The following VAPB variants were observed in gnomAD, a reference collection of about 807,000 sequenced individuals.
The protein encoded by VAPB is vesicle-associated membrane protein-associated protein B/C.
VAPB carries 7 observed loss-of-function variants against 25.6 expected under a neutral mutation model. The ratio of observed to expected loss-of-function variants is 0.27; its 90% CI spans 0.16 to 0.51. The LOEUF (loss-of-function observed/expected upper bound fraction) is 0.51. VAPB is among the 20% of genes least tolerant of loss of function. The pLI, the probability that VAPB is intolerant of heterozygous loss-of-function variation, is 0.97. For missense variants in VAPB, 266 were observed against 301.3 expected, an observed-to-expected ratio of 0.88 and a Z score of 0.87; for synonymous variants, 112 against 109.2, an observed-to-expected ratio of 1.03 and a Z score of -0.16.
At chr20:58,414,142 C>G (rs1272065414) in intron 1 of VAPB, among the ~76,000 whole-genome samples, 1 of 124,486 alleles carries the variant, frequency 8.0e-6, no homozygotes, top group Non-Finnish European at 1.8e-5. Context: ...GCCCCGACCT[C>G]CCTCCCGGAC....
Position 58,449,255 on chromosome 20 carries a change from A to T in VAPB, c.*5020A>T, listed in dbSNP as rs766746638. On this transcript the variant is annotated 3_prime_UTR_variant, in exon 6 of 6. Coordinates refer to ENST00000475243, the MANE Select transcript of VAPB (RefSeq NM_004738.5). ...CCCACCCCTGTGCCAGGGGGCCCTG[A>T]CCTCCCTCCATGCCATGTTTTTGGC... is the stretch of plus-strand genomic sequence containing the variant. 1 of 451,918 alleles carries T rather than the reference A, an allele frequency of 2.2e-6. No individual in the cohort carries two copies. The highest frequency in any genetic ancestry group is 1.6e-5 in the South Asian group (1 of 64,332). The allele number at this position is 451,918 out of a possible 1,614,324, so 28.0% of individuals were successfully genotyped here.
intron 2 of VAPB, among the ~76,000 whole-genome samples, chr20:58,420,128 G>A (rs1003550644): frequency 6.6e-6 from 1 of 152,080 alleles, no homozygotes; most frequent in Non-Finnish European, 1.5e-5. Flanking sequence ...TAGGATTACA[G>A]GTGCGTGCCA....
At position 58,444,720 on chromosome 20, in the gene VAPB, A is replaced by G. The variant is rs897741415; in HGVS notation, c.*485A>G. 14 of 454,436 alleles carry G rather than the reference A, an allele frequency of 3.1e-5. No homozygotes were observed. The highest frequency in any genetic ancestry group is 2.6e-4 in the Admixed American group (11 of 42,568). 28.2% of individuals were successfully genotyped at this position (454,436 alleles called of 1,614,324 possible). ...GCTTTCCGTGTCTTCAGTTCTGTCCAAGCCATCAGCTCCTTGGGACTGATG... is the reference window on the plus strand; with the variant it reads ...GCTTTCCGTGTCTTCAGTTCTGTCCGAGCCATCAGCTCCTTGGGACTGATG... On this transcript the variant is annotated 3_prime_UTR_variant, in exon 6 of 6. Transcript: ENST00000475243.
At chr20:58,404,859 A>G (rs73179875) in intron 1 of VAPB, among the ~76,000 whole-genome samples, 5,941 of 152,040 alleles carry the variant, frequency 0.039, 163 homozygotes, top group Non-Finnish European at 0.06. Flanking sequence ...TTCTCTCTCT[A>G]GCTTGAGAGC....
At chr20:58,405,433 C>T (rs1419374103) in intron 1 of VAPB, among the ~76,000 whole-genome samples, 1 of 151,930 alleles carries the variant, frequency 6.6e-6, no homozygotes, top group African/African-American at 2.4e-5. Flanking sequence ...TGGGAAGCCA[C>T]AGAGGAATCT....
chr20:58,441,238 C>G (rs774882118), intron 5 of VAPB, among the ~76,000 whole-genome samples, 155 bp downstream of exon 5: 2 of 152,042 alleles, frequency 1.3e-5, no homozygotes, highest in Non-Finnish European at 2.9e-5. Context: ...CCATGGCTTT[C>G]ATGAGAGTCT....
intron 1 of VAPB, among the ~76,000 whole-genome samples, chr20:58,406,403 T>C (rs567853016): frequency 6.6e-6 from 1 of 152,184 alleles, no homozygotes. Context: ...CCTGGCCTCT[T>C]CTTGAGTTTA....
At chr20:58,419,394 C>G (rs908186570) in intron 2 of VAPB, among the ~76,000 whole-genome samples, 10 of 152,198 alleles carry the variant, frequency 6.6e-5, no homozygotes, top group Non-Finnish European at 1.3e-4. Context: ...CTGTGCTTCT[C>G]TTGAGTCTGC....
chr20:58,449,026 G>C lies in VAPB; in HGVS notation c.*4791G>C, dbSNP rs1049782662. On this transcript the variant is annotated 3_prime_UTR_variant, in exon 6 of 6. Coordinates refer to ENST00000475243, the MANE Select transcript of VAPB (RefSeq NM_004738.5). ...AACAGCTGAGCTGCTGATGTCTCAGGCCTTTCCCTGAATTAGCACTGCGGT... is the reference window on the plus strand; with the variant it reads ...AACAGCTGAGCTGCTGATGTCTCAGCCCTTTCCCTGAATTAGCACTGCGGT... 3 of 454,012 alleles carry C rather than the reference G, an allele frequency of 6.6e-6. No individual in the cohort carries two copies. Among genetic ancestry groups the C allele is most frequent in the Non-Finnish European group, 1.3e-5 (3 of 226,796 alleles). The allele number at this position is 454,012 out of a possible 1,614,324, so 28.1% of individuals were successfully genotyped here.
In VAPB at chr20:58,448,733, T is replaced by A. The variant is rs775085679; in HGVS notation, c.*4498T>A. 1 of 453,974 alleles carries A rather than the reference T, an allele frequency of 2.2e-6. No homozygotes were observed. Among genetic ancestry groups the A allele is most frequent in the African/African-American group, 2.0e-5 (1 of 49,990 alleles). The allele number at this position is 453,974 out of a possible 1,614,324, so 28.1% of individuals were successfully genotyped here. Reference sequence around the variant, plus strand: ...AAGTAAGTAGAATTAAGACTGTAGTTCAGATGCTTTTTCTTTTTCTGTTGG... The same window carrying A: ...AAGTAAGTAGAATTAAGACTGTAGTACAGATGCTTTTTCTTTTTCTGTTGG... On this transcript the variant is annotated 3_prime_UTR_variant, in exon 6 of 6. Coordinates refer to ENST00000475243, the MANE Select transcript of VAPB (RefSeq NM_004738.5).
rs1455095334 is a variant in VAPB, at chr20:58,450,347, A to G, written c.*6112A>G. On this transcript the variant is annotated 3_prime_UTR_variant, in exon 6 of 6. Transcript: ENST00000475243. Reference sequence around the variant, plus strand: ...ACTCCTTAGCAAACGTTTCGTAAGTACCCTCTGTCTGTTTGCTACTATATG... The same window carrying G: ...ACTCCTTAGCAAACGTTTCGTAAGTGCCCTCTGTCTGTTTGCTACTATATG... The G allele has an allele frequency of 1.5e-5, 7 of 452,914 alleles. No individual in the cohort carries two copies. Among genetic ancestry groups the G allele is most frequent in the South Asian group, 9.3e-5 (6 of 64,442 alleles). 28.1% of individuals were successfully genotyped at this position (452,914 alleles called of 1,614,324 possible).
chr20:58,416,555 C>A lies in VAPB; in HGVS notation c.59-1656C>A, dbSNP rs926209424. ...CCAGTGTTGATAGCAGACAAAATCA[C>A]ACAGAAACAAATACGAAAATTGTTT... On this transcript the variant is annotated intron_variant, in intron 1 of 5. Transcript: ENST00000475243. Among the ~76,000 whole-genome samples the A allele has an allele frequency of 2.1e-5, 3 of 143,372 alleles. No homozygotes were observed. In the East Asian group the frequency reaches 6.2e-4, roughly 29 times the overall value. The allele number at this position is 143,372 out of a possible 152,430, so 94.1% of individuals were successfully genotyped here.
Position 58,450,697 on chromosome 20 carries a change from G to C in VAPB, c.*6462G>C. ...AAAAGATTCCCACAGTTTCTGATGT[G>C]TGTGTTTATAGTCTTCAATGTATGT... is the stretch of plus-strand genomic sequence containing the variant. On this transcript the variant is annotated 3_prime_UTR_variant, in exon 6 of 6. Transcript: ENST00000475243. 2.2e-6 allele frequency: 1 copy of C among 454,002 alleles called. No homozygotes were observed. Among genetic ancestry groups the C allele is most frequent in the Non-Finnish European group, 4.4e-6 (1 of 226,756 alleles). The allele number at this position is 454,002 out of a possible 1,614,324, so 28.1% of individuals were successfully genotyped here. A position where few individuals can be genotyped will look rare whatever the true frequency, so the allele number is the denominator to read the frequency against.
intron 1 of VAPB, among the ~76,000 whole-genome samples, chr20:58,391,745 C>A (rs931950045): frequency 9.8e-5 from 15 of 152,296 alleles, no homozygotes; most frequent in African/African-American, 3.6e-4. Flanking sequence ...GTTGGCCAGG[C>A]TGGTCTCAAA....
intron 1 of VAPB, among the ~76,000 whole-genome samples, chr20:58,397,408 A>T (rs2123021792): frequency 6.6e-6 from 1 of 151,988 alleles, no homozygotes; most frequent in Non-Finnish European, 1.5e-5. Flanking sequence ...AATCCCAGCT[A>T]CTTGGGAGGC....
At chr20:58,440,818 G>T in intron 4 of VAPB, 89 bp from the exon 5 acceptor site, 2 of 1,202,836 alleles carry the variant, frequency 1.7e-6, no homozygotes, top group Non-Finnish European at 2.4e-6. Flanking sequence ...TACCACGTTT[G>T]GTGTTTGCTG....
chr20:58,447,472 A>C lies in VAPB; in HGVS notation c.*3237A>C, dbSNP rs995349952. The stretch of plus-strand genomic sequence containing the variant: ...ATACCTCCATAACACAGAAGGGGGA[A>C]AAATGAAGAACCTCCAGTGATCCGT... On this transcript the variant is annotated 3_prime_UTR_variant, in exon 6 of 6. Coordinates refer to ENST00000475243, the MANE Select transcript of VAPB (RefSeq NM_004738.5). 2 of 453,992 alleles carry C rather than the reference A, an allele frequency of 4.4e-6. No homozygotes were observed. Among genetic ancestry groups the C allele is most frequent in the African/African-American group, 4.0e-5 (2 of 49,984 alleles). The allele number at this position is 453,992 out of a possible 1,614,324, so 28.1% of individuals were successfully genotyped here. A position where few individuals can be genotyped will look rare whatever the true frequency, so the allele number is the denominator to read the frequency against.
intron 2 of VAPB, among the ~76,000 whole-genome samples, chr20:58,421,746 G>C (rs1988674085): frequency 6.6e-6 from 1 of 152,124 alleles, no homozygotes; most frequent in South Asian, 2.1e-4. Flanking sequence ...AGAGAGGGAG[G>C]GTTGATGGTA....
In VAPB at chr20:58,446,432, G is replaced by T. The variant is rs761609792; in HGVS notation, c.*2197G>T. 7 of 453,952 alleles carry T rather than the reference G, an allele frequency of 1.5e-5. No homozygotes were observed. The highest frequency in any genetic ancestry group is 9.3e-5 in the South Asian group (6 of 64,470). 28.1% of individuals were successfully genotyped at this position (453,952 alleles called of 1,614,324 possible). Reference sequence around the variant, plus strand: ...TACAGTCCCATTACACTAGAGCAGGGCTCTATTTATTTTTAAAGGATATGG... The same window carrying T: ...TACAGTCCCATTACACTAGAGCAGGTCTCTATTTATTTTTAAAGGATATGG... On this transcript the variant is annotated 3_prime_UTR_variant, in exon 6 of 6. Transcript: ENST00000475243.
Sources: gnomAD v4.1 joint callset for allele counts (sites outside exome capture counted in the v4.1 genomes callset) on GRCh38, gnomAD v4.1.1 for gene constraint, MANE v1.5 for transcripts, NCBI Gene and HGNC (gene_info 2026-07-23, HGNC 2026-07-21) for gene names.